The following WNT9B variants were observed in gnomAD, a reference collection of about 807,000 sequenced individuals.
WNT9B encodes Wnt family member 9B, also known as protein Wnt-9b.
A neutral mutation model predicts 30.2 loss-of-function variants in WNT9B; 12 were observed. The observed-to-expected ratio is 0.40, with a 90% CI of 0.26 to 0.64. The LOEUF (loss-of-function observed/expected upper bound fraction) is 0.64. Among genes scored for constraint, WNT9B ranks in the 30% least tolerant of loss-of-function variants. The pLI is 0.42. For synonymous variants in WNT9B, 218 were observed against 216.9 expected, an observed-to-expected ratio of 1.01 and a Z score of -0.05; for missense variants, 442 against 485.2, an observed-to-expected ratio of 0.91 and a Z score of 0.84.
intron 1 of WNT9B, among the ~76,000 whole-genome samples, chr17:46,842,069 C>T (rs1225374358): frequency 6.6e-6 from 1 of 152,224 alleles, no homozygotes; most frequent in Non-Finnish European, 1.5e-5. Context: ...AGGCCTCCCC[C>T]TCCATCCCTC....
chr17:46,852,637 G>A (rs954710074), intron 1 of WNT9B, among the ~76,000 whole-genome samples: 1 of 151,946 alleles, frequency 6.6e-6, no homozygotes, highest in Admixed American at 6.6e-5. Context: ...GGGTATCATG[G>A]GTAAGAAGGC....
chr17:46,879,939 C>T lies in WNT9B; in HGVS notation c.*3221C>T, dbSNP rs1281684831. 6.6e-6 allele frequency among the ~76,000 whole-genome samples: 1 copy of T among 152,236 alleles called. No individual in the cohort carries two copies. Among genetic ancestry groups the T allele is most frequent in the African/African-American group, 2.4e-5 (1 of 41,458 alleles). On this transcript the variant is annotated 3_prime_UTR_variant, in exon 4 of 4. Transcript: ENST00000290015. ...CCAAGGGGTCCTTCTGCCCACACTG[C>T]CCAAGAAGCTTGGGCTACACCACTG...
At chr17:46,860,452 G>C (rs911489563) in intron 1 of WNT9B, among the ~76,000 whole-genome samples, 1 of 152,088 alleles carries the variant, frequency 6.6e-6, no homozygotes, top group Non-Finnish European at 1.5e-5. Flanking sequence ...CTGGGCTTGG[G>C]GTCACACAGA....
intron 1 of WNT9B, among the ~76,000 whole-genome samples, chr17:46,854,543 A>G (rs1281034626): frequency 6.6e-6 from 1 of 151,996 alleles, no homozygotes; most frequent in Non-Finnish European, 1.5e-5. Context: ...AGATGAGGCA[A>G]CCCCCAAACC....
chr17:46,839,474 C>T (rs555332084), intron 1 of WNT9B, among the ~76,000 whole-genome samples: 7 of 152,334 alleles, frequency 4.6e-5, no homozygotes, highest in Admixed American at 2.0e-4. Flanking sequence ...TGTGGCACAA[C>T]GCAGGCGTCA....
At chr17:46,840,345 C>CA (rs2084698881) in intron 1 of WNT9B, among the ~76,000 whole-genome samples, 1 of 152,190 alleles carries the variant, frequency 6.6e-6, no homozygotes, top group African/African-American at 2.4e-5. Flanking sequence ...CTCGGCCTCC[C>CA]AAAGTGCTGG....
intron 1 of WNT9B, among the ~76,000 whole-genome samples, chr17:46,840,579 T>C (rs1965829): frequency 0.17 from 26,237 of 152,184 alleles, 2,631 homozygotes; most frequent in East Asian, 0.38. Context: ...CTTGAGGAAT[T>C]GCCATACTGT....
intron 1 of WNT9B, among the ~76,000 whole-genome samples, chr17:46,872,252 T>C (rs2085257285): frequency 1.3e-5 from 2 of 152,214 alleles, no homozygotes; most frequent in African/African-American, 2.4e-5. Context: ...ATGATTTTTC[T>C]AACTGGGCCA....
upstream of WNT9B, among the ~76,000 whole-genome samples, chr17:46,848,048 C>G (rs2084797579): frequency 6.6e-6 from 1 of 152,086 alleles, no homozygotes; most frequent in South Asian, 2.1e-4. Flanking sequence ...TGAGCGCTGG[C>G]TGCCTTGGGC....
intron 1 of WNT9B, among the ~76,000 whole-genome samples, chr17:46,862,186 GAAAA>G (rs1393808055): frequency 1.3e-5 from 2 of 148,438 alleles, no homozygotes; most frequent in African/African-American, 4.9e-5. Flanking sequence ...AAAAGAAAAA[GAAAA>G]AGAAAAGGGA....
chr17:46,856,402 C>G (rs1350189252), intron 1 of WNT9B, among the ~76,000 whole-genome samples: 1 of 152,114 alleles, frequency 6.6e-6, no homozygotes, highest in Non-Finnish European at 1.5e-5. Flanking sequence ...AGTGTCATTA[C>G]TATAATTCCA....
intron 1 of WNT9B, among the ~76,000 whole-genome samples, chr17:46,866,452 G>A (rs1178028866): frequency 6.6e-6 from 1 of 152,052 alleles, no homozygotes; most frequent in African/African-American, 2.4e-5. Flanking sequence ...GTGGATGTGT[G>A]TGTGAGGGAG....
intron 1 of WNT9B, among the ~76,000 whole-genome samples, chr17:46,838,131 C>T (rs886940413): frequency 1.3e-5 from 2 of 152,126 alleles, no homozygotes; most frequent in African/African-American, 4.8e-5. Context: ...GGGCAACAGA[C>T]AGCAAAAGCC....
Position 46,876,549 on chromosome 17 carries a change from G to A in WNT9B, c.905G>A (p.Gly302Asp). 1.9e-6 allele frequency: 3 copies of A among 1,613,660 alleles called. No individual in the cohort carries two copies. Among genetic ancestry groups the A allele is most frequent in the African/African-American group, 1.3e-5 (1 of 75,062 alleles). ...RPSKYSPGTA[G>D]RVCSREASCS... The stretch of plus-strand genomic sequence containing the variant: ...AGCAAGTACTCACCTGGCACAGCAG[G>A]TAGGGTGTGCTCCCGGGAGGCCAGC... Residue 302 changes from glycine (G) to aspartate (D), a missense_variant, in exon 4 of 4, where the codon GGT (glycine) becomes GAT (aspartate). Physicochemically the swap from Gly to Asp is moderately conservative, Grantham distance 94 (BLOSUM62 -1). Coordinates refer to ENST00000290015, the MANE Select transcript of WNT9B (RefSeq NM_003396.3).
At chr17:46,862,163 C>CAAAAAAAA (rs111407961) in intron 1 of WNT9B, among the ~76,000 whole-genome samples, 1 of 80,330 alleles carries the variant, frequency 1.2e-5, no homozygotes, top group Non-Finnish European at 3.1e-5. Flanking sequence ...AACTCCGTCT[C>CAAAAAAAA]AAAAAAAAAA....
chr17:46,875,057 T>G, intron 2 of WNT9B, 44 bp from the exon 3 acceptor site: 1 of 1,613,246 alleles, frequency 6.2e-7, no homozygotes, highest in Non-Finnish European at 8.5e-7. Flanking sequence ...CTTTCCTCTC[T>G]TCCCCCTTTC....
Sources: gnomAD v4.1 joint callset for allele counts (sites outside exome capture counted in the v4.1 genomes callset) on GRCh38, gnomAD v4.1.1 for gene constraint, MANE v1.5 for transcripts, NCBI Gene and HGNC (gene_info 2026-07-23, HGNC 2026-07-21) for gene names.